Variants in DMWD observed in about 807,000 individuals in gnomAD.
DMWD encodes dystrophia myotonica WD repeat-containing protein.
DMWD carries 19 observed loss-of-function variants against 45.8 expected under a neutral mutation model. The ratio of observed to expected loss-of-function variants is 0.41; its 90% CI spans 0.29 to 0.61. The LOEUF is 0.61. Ranked by LOEUF, DMWD falls within the 20% of genes least tolerant of loss-of-function variation. DMWD has a pLI of 0.25. For synonymous variants in DMWD, 515 were observed against 440.5 expected, an observed-to-expected ratio of 1.17 and a Z score of -2.12; for missense variants, 802 against 965.2, an observed-to-expected ratio of 0.83 and a Z score of 2.24.
chr19:45,786,506 C>T lies in DMWD; in HGVS notation c.990G>A (p.Leu330=). 3 of 1,614,028 alleles carry T rather than the reference C, an allele frequency of 1.9e-6. No homozygotes were observed. The highest frequency in any genetic ancestry group is 2.2e-5 in the South Asian group (2 of 91,080). Residue 330 remains leucine (L), a synonymous_variant, in exon 3 of 5, where the codon CTG becomes CTA. Coordinates refer to ENST00000270223, the MANE Select transcript of DMWD (RefSeq NM_004943.2). The part of the protein sequence containing the change: ...GLMKSYFGGL[L]CVCWSPDGRY... Reference sequence around the variant, plus strand: ...GGCCGTCAGGGCTCCAGCACACACACAGCAGGCCCCCAAAGTAGCTCTTCA... The same window carrying T: ...GGCCGTCAGGGCTCCAGCACACACATAGCAGGCCCCCAAAGTAGCTCTTCA...
chr19:45,788,857 A>T (rs1970317770), intron 2 of DMWD, among the ~76,000 whole-genome samples: 1 of 151,116 alleles, frequency 6.6e-6, no homozygotes, highest in Non-Finnish European at 1.5e-5. Flanking sequence ...TGAGCCTGGG[A>T]GGCGGAGGTT....
chr19:45,785,796 G>C lies in DMWD; in HGVS notation c.1700C>G (p.Pro567Arg). ...SGSGGEKPSGPVPRSRLDPAK... is the reference protein window; with the variant it reads ...SGSGGEKPSGRVPRSRLDPAK... Reference sequence around the variant, plus strand: ...GGGGTCCAGGCGGCTGCGGGGAACAGGGCCGCTGGGCTTCTCCCCACCACT... The same window carrying C: ...GGGGTCCAGGCGGCTGCGGGGAACACGGCCGCTGGGCTTCTCCCCACCACT... The change falls in exon 3 of 5, where the codon CCT (proline) becomes CGT (arginine). Residue 567 changes from proline to arginine, a missense_variant. Pro to Arg is a moderately radical substitution (Grantham distance 103). This residue lies in a region of DMWD where 303 missense variants were observed against 332.9 expected (regional missense o/e 0.91). Transcript: ENST00000270223. The C allele has an allele frequency of 3.1e-6, 5 of 1,611,914 alleles. No individual in the cohort carries two copies. The highest frequency in any genetic ancestry group is 4.2e-6 in the Non-Finnish European group (5 of 1,179,562).
intron 2 of DMWD, among the ~76,000 whole-genome samples, chr19:45,788,009 G>A (rs185903022): frequency 2.0e-5 from 3 of 152,270 alleles, no homozygotes; most frequent in South Asian, 2.1e-4. Flanking sequence ...CCCGGGAGGC[G>A]GAGGTTGCAG....
In DMWD at chr19:45,791,016, G is replaced by C. The variant is rs757795331; in HGVS notation, c.513C>G (p.Asn171Lys). 1 of 1,607,568 alleles carries C rather than the reference G, an allele frequency of 6.2e-7. No individual in the cohort carries two copies. The highest frequency in any genetic ancestry group is 1.1e-5 in the South Asian group (1 of 90,680). The change falls in exon 2 of 5, where the codon AAC becomes AAG. Residue 171 changes from asparagine (N) to lysine (K), a missense_variant. This residue lies in a region of DMWD where 38 missense variants were observed against 76.1 expected (regional missense o/e 0.50). Transcript: ENST00000270223. ...TGGTCTCGGTGGCAGCAGTGAACTG[G>C]TTGAAATCGTGGCAGGTGGGCTGGG... Reference protein sequence around the residue: ...KGTQPTCHDFNQFTAATETIS... With the variant: ...KGTQPTCHDFKQFTAATETIS...
In DMWD at chr19:45,792,466, G is replaced by A. The variant is rs1482469792; in HGVS notation, c.291C>T (p.Ser97=). The A allele has an allele frequency of 3.1e-6, 4 of 1,297,922 alleles. No individual in the cohort carries two copies. The highest frequency in any genetic ancestry group is 3.9e-6 in the Non-Finnish European group (4 of 1,020,678). 80.4% of individuals were successfully genotyped at this position (1,297,922 alleles called of 1,614,324 possible). A position where few individuals can be genotyped will look rare whatever the true frequency, so the allele number is the denominator to read the frequency against. The change falls in exon 1 of 5, where the codon AGC becomes AGT. Residue 97 remains serine (S), a synonymous_variant. Coordinates refer to ENST00000270223, the MANE Select transcript of DMWD (RefSeq NM_004943.2). ...TGTCCGGCTCCCCGAGGCGCACGAG[G>A]CTGAGGCGCACGGCGGGCAGGGCGG... is the stretch of plus-strand genomic sequence containing the variant. ...PGPALPAVRL[S]LVRLGEPDSA...
rs1487280247 is a variant in DMWD at position 45,792,317 on chromosome 19, C to G, written c.440G>C (p.Arg147Pro). Residue 147 changes from arginine (R) to proline (P), a missense_variant and splice_region_variant, in exon 1 of 5, where the codon CGG becomes CCG. Arg to Pro is a moderately radical substitution (Grantham distance 103, BLOSUM62 -2). Around this residue, in one of 9 missense-constraint regions of DMWD, gnomAD observed 82 missense variants for 92.9 expected, o/e 0.88. Transcript: ENST00000270223. ...GGCCCCACGATGCAGGCCGCTCACC[C>G]GTTGGCTCCCACGACGACAGCAGCC... ...YPGCCRRGSQ[R>P]SIDLNKPIDK... 8 of 1,606,490 alleles carry G rather than the reference C, an allele frequency of 5.0e-6. No homozygotes were observed. Among genetic ancestry groups the G allele is most frequent in the Admixed American group, 1.7e-5 (1 of 59,572 alleles).
In DMWD at chr19:45,786,878, G is replaced by A. The variant is rs764992465; in HGVS notation, c.625-7C>T. 96 of 1,611,744 alleles carry A rather than the reference G, an allele frequency of 6.0e-5. No individual in the cohort carries two copies. Among genetic ancestry groups the A allele is most frequent in the Non-Finnish European group, 7.5e-5 (89 of 1,179,138 alleles). On this transcript the variant is annotated splice_region_variant and splice_polypyrimidine_tract_variant and intron_variant, in intron 2 of 4. Transcript: ENST00000270223. ...TGGTCTTGTCGATCAACCGCTGCCAGGGGAGACAGTGTGGGGTTGGGAGAA... is the reference window on the plus strand; with the variant it reads ...TGGTCTTGTCGATCAACCGCTGCCAAGGGAGACAGTGTGGGGTTGGGAGAA...
At chr19:45,788,043 C>T (rs559150412) in intron 2 of DMWD, among the ~76,000 whole-genome samples, 2 of 152,164 alleles carry the variant, frequency 1.3e-5, no homozygotes, top group East Asian at 3.9e-4. Context: ...TGCCACTGTA[C>T]TCCAGCCTGG....
Position 45,790,986 on chromosome 19 carries a change from C to T in DMWD, c.543G>A (p.Ser181=), listed in dbSNP as rs1366571239. 3.1e-6 allele frequency: 5 copies of T among 1,613,790 alleles called. No individual in the cohort carries two copies. Among genetic ancestry groups the T allele is most frequent in the East Asian group, 4.5e-5 (2 of 44,848 alleles). The change falls in exon 2 of 5, where the codon TCG becomes TCA. Residue 181 remains serine (S), a synonymous_variant. Coordinates refer to ENST00000270223, the MANE Select transcript of DMWD (RefSeq NM_004943.2). ...GACCCGCTGAGAAGCCCACCAGCAG[C>T]GAGATGGTCTCGGTGGCAGCAGTGA... ...NQFTAATETI[S]LLVGFSAGQV...
chr19:45,784,540 G>GGGGTAA (rs752898991), intron 4 of DMWD, 101 bp downstream of exon 4: 4 of 1,577,620 alleles, frequency 2.5e-6, no homozygotes, highest in African/African-American at 1.4e-5. Flanking sequence ...GTGAGACCAT[G>GGGGTAA]GGGTAAGGGT....
Position 45,783,586 on chromosome 19 carries a change from G to C in DMWD, c.*657C>G, listed in dbSNP as rs570001998. On this transcript the variant is annotated 3_prime_UTR_variant, in exon 5 of 5. Coordinates refer to ENST00000270223, the MANE Select transcript of DMWD (RefSeq NM_004943.2). ...CAGGTCCGTTCCCTCCCTGGGCTCC[G>C]GCTTTTCCTGCTATGAAAAGGGGTG... 2.6e-4 allele frequency: 104 copies of C among 398,778 alleles called. No homozygotes were observed. The highest frequency in any genetic ancestry group is 2.1e-3 in the African/African-American group (100 of 48,718). The allele number at this position is 398,778 out of a possible 1,614,324, so 24.7% of individuals were successfully genotyped here.
intron 1 of DMWD, 21 bp from the exon 2 acceptor site, chr19:45,791,108 G>C: frequency 6.3e-7 from 1 of 1,596,444 alleles, no homozygotes; most frequent in Non-Finnish European, 8.5e-7. Flanking sequence ...GGGAGAAAAG[G>C]AGTTAATGGT....
Position 45,792,548 on chromosome 19 carries a change from C to T in DMWD, c.209G>A (p.Gly70Asp), listed in dbSNP as rs1156932636. Residue 70 changes from glycine (G) to aspartate (D), a missense_variant, in exon 1 of 5, where the codon GGT becomes GAT. This residue lies in a region of DMWD where 151 missense variants were observed against 128.1 expected (regional missense o/e 1.18). Transcript: ENST00000270223. ...CGACGCGGGGCCTGCAGCGCCGGGA[C>T]CGGAGGCGGAGGCAGGGCCGGGCGG... ...QPPPGPASAS[G>D]PGAAGPASSP... The T allele has an allele frequency of 4.2e-6, 5 of 1,176,954 alleles. No individual in the cohort carries two copies. The South Asian group carries it at 1.5e-4, about 35-fold the overall frequency. 72.9% of individuals were successfully genotyped at this position (1,176,954 alleles called of 1,614,324 possible). A position where few individuals can be genotyped will look rare whatever the true frequency, so the allele number is the denominator to read the frequency against.
At chr19:45,792,224 C>T in intron 1 of DMWD, 92 bp downstream of exon 1, 1 of 1,469,680 alleles carries the variant, frequency 6.8e-7, no homozygotes, top group South Asian at 1.3e-5. Context: ...ATGCCTATCT[C>T]AGGGCCCCAT....
At chr19:45,788,741 C>T (rs1485496856) in intron 2 of DMWD, among the ~76,000 whole-genome samples, 1 of 150,960 alleles carries the variant, frequency 6.6e-6, no homozygotes, top group Non-Finnish European at 1.5e-5. Context: ...CCAGCTTGGG[C>T]AACACAAAGA....
rs1165803239 is a variant in DMWD, at chr19:45,786,550, T to C, written c.946A>G (p.Met316Val). Residue 316 changes from methionine (M) to valine (V), a missense_variant, in exon 3 of 5, where the codon ATG becomes GTG. Physicochemically the swap from Met to Val is conservative, Grantham distance 21. This residue lies in a region of DMWD where 146 missense variants were observed against 212.8 expected (regional missense o/e 0.69). Coordinates refer to ENST00000270223, the MANE Select transcript of DMWD (RefSeq NM_004943.2). The part of the protein sequence containing the change: ...GCLRVFHFDS[M>V]LLRGLMKSYF... ...CTCTTCATGAGCCCACGCAGGAGCA[T>C]GGAGTCGAAGTGGAAGACGCGCAGG... 1 of 1,613,942 alleles carries C rather than the reference T, an allele frequency of 6.2e-7. No individual in the cohort carries two copies. The highest frequency in any genetic ancestry group is 8.5e-7 in the Non-Finnish European group (1 of 1,179,948).
chr19:45,790,394 C>T (rs1462315696), intron 2 of DMWD, among the ~76,000 whole-genome samples: 2 of 151,426 alleles, frequency 1.3e-5, no homozygotes, highest in African/African-American at 4.9e-5. Context: ...TGGCTCACAC[C>T]TGTAATCCCA....
At position 45,784,638 on chromosome 19, in the gene DMWD, T is replaced by C; in HGVS notation, c.1977+3A>G. 1.9e-6 allele frequency: 3 copies of C among 1,613,956 alleles called. No individual in the cohort carries two copies. Among genetic ancestry groups the C allele is most frequent in the Non-Finnish European group, 2.5e-6 (3 of 1,179,862 alleles). On this transcript the variant is annotated splice_donor_region_variant and intron_variant, in intron 4 of 4. Coordinates refer to ENST00000270223, the MANE Select transcript of DMWD (RefSeq NM_004943.2). ...TGGGGAAAGAACTCAGGGACAGTCC[T>C]ACCTCTACCACTGACTTGCTGGGTG...
At chr19:45,791,806 C>T (rs1209140182) in intron 1 of DMWD, among the ~76,000 whole-genome samples, 1 of 151,988 alleles carries the variant, frequency 6.6e-6, no homozygotes, top group Non-Finnish European at 1.5e-5. Flanking sequence ...ACTTCCAGAC[C>T]CCAATTTTCT....
Sources: allele counts gnomAD v4.1 joint callset (sites outside exome capture counted in the v4.1 genomes callset), GRCh38; gene constraint gnomAD v4.1.1; regional missense constraint gnomAD v4.1.1; transcripts MANE v1.5; gene names NCBI Gene and HGNC (gene_info 2026-07-23, HGNC 2026-07-21).